Variants in SCFD2 observed in about 807,000 individuals in gnomAD.
SCFD2 encodes the protein sec1 family domain-containing protein 2.
A neutral mutation model predicts 58.9 loss-of-function variants in SCFD2; 54 were observed. The ratio of observed to expected loss-of-function variants is 0.92; its 90% confidence interval spans 0.74 to 1.15. The LOEUF (loss-of-function observed/expected upper bound fraction) is 1.15, where lower values mean the gene tolerates loss of function less well. Among genes scored for constraint, SCFD2 ranks in the 50% most tolerant of loss-of-function variants. The pLI is 0.00. For synonymous variants in SCFD2, 321 were observed against 335.9 expected (o/e 0.96, Z 0.49); for missense variants, 805 against 836.6 (o/e 0.96, Z 0.47).
At chr4:53,020,003 A>G (rs965337248) in intron 5 of SCFD2, among the ~76,000 whole-genome samples, 1 of 152,190 alleles carries the variant, frequency 6.6e-6, no homozygotes, top group African/African-American at 2.4e-5. Flanking sequence ...ACGCTGGGCT[A>G]CTGATCTTCC....
chr4:53,297,985 A>G (rs777032592), intron 3 of SCFD2, among the ~76,000 whole-genome samples: 1 of 152,214 alleles, frequency 6.6e-6, no homozygotes, highest in Non-Finnish European at 1.5e-5. Context: ...ATGGCCGAAT[A>G]GGAACAGCTC....
At chr4:53,267,307 C>T (rs946624920) in intron 4 of SCFD2, among the ~76,000 whole-genome samples, 1 of 152,104 alleles carries the variant, frequency 6.6e-6, no homozygotes, top group Admixed American at 6.5e-5. Flanking sequence ...CACAAATGCC[C>T]TACTTTCAAA....
intron 6 of SCFD2, among the ~76,000 whole-genome samples, chr4:52,913,374 G>C (rs1719531188): frequency 2.0e-5 from 3 of 152,136 alleles, no homozygotes; most frequent in African/African-American, 7.2e-5. Context: ...GATGGCTTTA[G>C]ATTCTCCTAG....
intron 5 of SCFD2, among the ~76,000 whole-genome samples, chr4:53,002,265 G>A (rs1485527949): frequency 6.6e-6 from 1 of 152,168 alleles, no homozygotes; most frequent in Non-Finnish European, 1.5e-5. Flanking sequence ...AAGGATTTTA[G>A]TGGTAAGTAG....
At chr4:52,990,329 T>G (rs1410902380) in intron 5 of SCFD2, among the ~76,000 whole-genome samples, 3 of 152,244 alleles carry the variant, frequency 2.0e-5, no homozygotes, top group Non-Finnish European at 2.9e-5. Context: ...TTCTCATTAG[T>G]CTCATTCCAC....
chr4:52,893,038 C>T (rs1051848666), intron 7 of SCFD2, among the ~76,000 whole-genome samples: 4 of 152,032 alleles, frequency 2.6e-5, no homozygotes, highest in Non-Finnish European at 5.9e-5. Flanking sequence ...AAAATATAAA[C>T]AATGGTTTCA....
At chr4:52,905,256 C>G (rs1223232429) in intron 7 of SCFD2, among the ~76,000 whole-genome samples, 2 of 152,234 alleles carry the variant, frequency 1.3e-5, no homozygotes, top group Non-Finnish European at 2.9e-5. Context: ...CAGTCAGTGT[C>G]TCAAAGCCCT....
At chr4:52,964,689 G>GACACACAC (rs148501809) in intron 5 of SCFD2, among the ~76,000 whole-genome samples, 3 of 149,208 alleles carry the variant, frequency 2.0e-5, no homozygotes, top group Non-Finnish European at 3.0e-5. Context: ...AAATGTGAGG[G>GACACACAC]ACACACACAC....
intron 5 of SCFD2, among the ~76,000 whole-genome samples, chr4:53,129,699 T>C (rs1725733147): frequency 6.6e-6 from 1 of 152,234 alleles, no homozygotes; most frequent in Non-Finnish European, 1.5e-5. Flanking sequence ...AATTTTCTTT[T>C]ATGCAATAAT....
intron 4 of SCFD2, among the ~76,000 whole-genome samples, chr4:53,163,297 AG>A (rs1308811465): frequency 6.6e-6 from 1 of 152,216 alleles, no homozygotes; most frequent in Non-Finnish European, 1.5e-5. Flanking sequence ...AATTGCCTTT[AG>A]GGGTTTCTAT....
chr4:53,244,480 C>T (rs1470127771), intron 4 of SCFD2, among the ~76,000 whole-genome samples: 1 of 152,098 alleles, frequency 6.6e-6, no homozygotes, highest in African/African-American at 2.4e-5. Context: ...AAACAACTTG[C>T]TCCTCAAAGA....
At chr4:53,343,334 A>G (rs1417400057) in intron 2 of SCFD2, among the ~76,000 whole-genome samples, 1 of 152,200 alleles carries the variant, frequency 6.6e-6, no homozygotes, top group Non-Finnish European at 1.5e-5. Context: ...CCTCTACACA[A>G]ATAAACTAGA....
In SCFD2 at chr4:53,299,864, G is replaced by A. The variant is rs144991857; in HGVS notation, c.1135+13772C>T. Among the ~76,000 whole-genome samples, 1,346 of 152,208 alleles carry A rather than the reference G, an allele frequency of 8.8e-3. 19 individuals carry two copies. Among genetic ancestry groups the A allele is most frequent in the African/African-American group, 0.03 (1,263 of 41,510 alleles). ...GCCAAACTAAGCTTCATAAGTGAAC[G>A]AGAAATAAAATCCTTTACACACAAG... On this transcript the variant is annotated intron_variant, in intron 3 of 8. Transcript: ENST00000401642.
intron 4 of SCFD2, among the ~76,000 whole-genome samples, chr4:53,255,657 C>T (rs960756385): frequency 2.0e-5 from 3 of 152,230 alleles, no homozygotes; most frequent in East Asian, 1.9e-4. Context: ...AATCTTTTCC[C>T]CACCTTTCCC....
intron 7 of SCFD2, among the ~76,000 whole-genome samples, chr4:52,889,847 C>A (rs181892800): frequency 3.3e-5 from 5 of 152,318 alleles, no homozygotes; most frequent in African/African-American, 1.2e-4. Flanking sequence ...TATACTTACT[C>A]AACCATACAC....
At chr4:52,908,969 C>A (rs757094147) in intron 6 of SCFD2, among the ~76,000 whole-genome samples, 36 of 152,112 alleles carry the variant, frequency 2.4e-4, no homozygotes, top group Admixed American at 4.6e-4. Flanking sequence ...TATGGATCCA[C>A]CTTGCTCATA....
intron 5 of SCFD2, among the ~76,000 whole-genome samples, chr4:52,999,029 T>C (rs765554182): frequency 6.6e-6 from 1 of 152,208 alleles, no homozygotes; most frequent in South Asian, 2.1e-4. Context: ...AAATTTAATT[T>C]CAGGGCATTT....
intron 5 of SCFD2, among the ~76,000 whole-genome samples, chr4:52,994,415 G>T (rs1415289111): frequency 6.6e-6 from 1 of 152,228 alleles, no homozygotes; most frequent in Non-Finnish European, 1.5e-5. Context: ...CCTTGAGCAA[G>T]TCAATTAAAC....
intron 5 of SCFD2, among the ~76,000 whole-genome samples, chr4:53,087,466 T>A (rs930292540): frequency 6.6e-6 from 1 of 152,104 alleles, no homozygotes; most frequent in African/African-American, 2.4e-5. Context: ...CCCAAGTAGC[T>A]GCGATTACAG....
Sources: gnomAD v4.1 joint callset for allele counts (sites outside exome capture counted in the v4.1 genomes callset) on GRCh38, gnomAD v4.1.1 for gene constraint, MANE v1.5 for transcripts, NCBI Gene and HGNC (gene_info 2026-07-23, HGNC 2026-07-21) for gene names.